Variants in KANSL1 observed in about 807,000 individuals in gnomAD.
KANSL1 encodes the protein KAT8 regulatory NSL complex subunit 1, also known as MLL1/MLL complex subunit KANSL1.
A neutral mutation model predicts 103.6 loss-of-function variants in KANSL1; 22 were observed. That is an observed-to-expected ratio of 0.21 (90% CI 0.15 to 0.30). The LOEUF is 0.30. Among genes scored for constraint, KANSL1 ranks in the 10% least tolerant of loss-of-function variants. The pLI is 1.00. For missense variants in KANSL1, 1,337 were observed against 1,399.8 expected (o/e 0.96, Z 0.72); for synonymous variants, 600 against 527.6 (o/e 1.14, Z -1.88).
intron 2 of KANSL1, among the ~76,000 whole-genome samples, chr17:46,148,839 G>A (rs1362305103): frequency 1.3e-5 from 2 of 149,606 alleles, no homozygotes; most frequent in African/African-American, 4.9e-5. Context: ...GCCCACCTCG[G>A]TTTCCCAAAG....
intron 2 of KANSL1, among the ~76,000 whole-genome samples, chr17:46,157,868 A>G (rs1212984526): frequency 6.6e-6 from 1 of 152,262 alleles, no homozygotes; most frequent in Non-Finnish European, 1.5e-5. Flanking sequence ...AAAATTCACT[A>G]CGCACAGGGT....
chr17:46,109,368 T>C (rs943312998), intron 2 of KANSL1, among the ~76,000 whole-genome samples: 19 of 152,252 alleles, frequency 1.2e-4, no homozygotes, highest in African/African-American at 3.4e-4. Context: ...TCAATTTCTA[T>C]GCTTTTGCAA....
intron 2 of KANSL1, among the ~76,000 whole-genome samples, chr17:46,144,917 AATAGATT>A (rs1378760006): frequency 2.6e-5 from 4 of 152,214 alleles, no homozygotes; most frequent in Admixed American, 6.5e-5. Flanking sequence ...GATGCCACAC[AATAGATT>A]ATAAAGTATC....
chr17:46,138,880 A>G (rs2044282688), intron 2 of KANSL1, among the ~76,000 whole-genome samples: 1 of 152,240 alleles, frequency 6.6e-6, no homozygotes, highest in Admixed American at 6.5e-5. Flanking sequence ...TAACATACAT[A>G]CAGGACACAC....
At chr17:46,168,129 T>C (rs2046096508) in intron 2 of KANSL1, among the ~76,000 whole-genome samples, 1 of 152,246 alleles carries the variant, frequency 6.6e-6, no homozygotes, top group Non-Finnish European at 1.5e-5. Context: ...CATTCTAGGA[T>C]TCATTTCTCA....
rs544935655 is a variant in KANSL1, at chr17:46,193,342, AGCGGTGGCG to A, written c.-618_-610del. ...GCTCGGTTCTCCCGCCGGCTCGGCG[AGCGGTGGCG>A]GCGGTGGCGGCGGCACTGGGAAAAT... On this transcript the variant is annotated 5_prime_UTR_variant, in exon 1 of 15. Coordinates refer to ENST00000432791, the MANE Select transcript of KANSL1 (RefSeq NM_015443.4). 16,753 of 151,892 alleles carry A rather than the reference AGCGGTGGCG, an allele frequency of 0.11. No homozygotes were observed. Among genetic ancestry groups the A allele is most frequent in the Non-Finnish European group, 0.16 (11,327 of 69,374 alleles). The allele number at this position is 151,892 out of a possible 1,614,324, so 9.4% of individuals were successfully genotyped here. A position where few individuals can be genotyped will look rare whatever the true frequency, so the allele number is the denominator to read the frequency against.
rs2047445105 is a variant in KANSL1 at position 46,193,200 on chromosome 17, G to C, written c.-467C>G. On this transcript the variant is annotated 5_prime_UTR_variant, in exon 1 of 15. Transcript: ENST00000432791. ...CCGCCCCGCACAAACAAGCACCGCC[G>C]TCTGCAGCCCGAACCCGCACCCAGG... 6.6e-6 allele frequency: 1 copy of C among 151,684 alleles called. No individual in the cohort carries two copies. Among genetic ancestry groups the C allele is most frequent in the Non-Finnish European group, 1.5e-5 (1 of 68,254 alleles). 9.4% of individuals were successfully genotyped at this position (151,684 alleles called of 1,614,324 possible). A position where few individuals can be genotyped will look rare whatever the true frequency, so the allele number is the denominator to read the frequency against.
Position 46,217,843 on chromosome 17 carries a change from G to A in KANSL1, c.-90+5828C>T, listed in dbSNP as rs564281703. On this transcript the variant is annotated intron_variant, in intron 1 of 14. Coordinates refer to the KANSL1 transcript ENST00000572904. ...AGTTCAAGACCGGCCTGGGCAACAT[G>A]GTGAAACCCTGTTTCTACAAAAAAT... 4.2e-4 allele frequency among the ~76,000 whole-genome samples: 64 copies of A among 152,356 alleles called. 1 individual carries two copies. The East Asian group carries it at 0.012, about 28-fold the overall frequency.
chr17:46,192,672 G>A (rs1474322330), intron 1 of KANSL1, 151 bp downstream of exon 1: 1 of 153,352 alleles, frequency 6.5e-6, no homozygotes, highest in Non-Finnish European at 1.5e-5. Flanking sequence ...AGCCCGGAGA[G>A]GCCATTTAAA....
chr17:46,088,713 AT>A, intron 3 of KANSL1: 1 of 152,414 alleles, frequency 6.6e-6, no homozygotes, highest in Non-Finnish European at 1.5e-5. Flanking sequence ...ATCCTTTAAA[AT>A]AAAAAAAACC....
At chr17:46,062,385 A>C (rs1369779026) in intron 6 of KANSL1, among the ~76,000 whole-genome samples, 2 of 108,812 alleles carry the variant, frequency 1.8e-5, no homozygotes, top group Admixed American at 2.5e-4. Flanking sequence ...TTTTAGATGG[A>C]CTCTCACTCT....
chr17:46,078,815 T>A (rs1987151), intron 4 of KANSL1, among the ~76,000 whole-genome samples: 21,744 of 152,212 alleles, frequency 0.14, 2,100 homozygotes, highest in Non-Finnish European at 0.22. Context: ...CATGTTTCAA[T>A]ACACTAGAGA....
chr17:46,191,571 A>C (rs2147918828), intron 1 of KANSL1, among the ~76,000 whole-genome samples: 1 of 152,382 alleles, frequency 6.6e-6, no homozygotes, highest in South Asian at 2.1e-4. Context: ...TTCAAAATGA[A>C]GTTCAGTAGC....
intron 1 of KANSL1, among the ~76,000 whole-genome samples, chr17:46,202,292 T>C (rs1454125657): frequency 2.0e-5 from 3 of 152,368 alleles, no homozygotes; most frequent in Middle Eastern, 3.4e-3. Flanking sequence ...GTACATTATG[T>C]ACATGCAAAC....
At chr17:46,145,783 T>C (rs1056537631) in intron 2 of KANSL1, among the ~76,000 whole-genome samples, 2 of 152,176 alleles carry the variant, frequency 1.3e-5, no homozygotes, top group African/African-American at 2.4e-5. Context: ...GGCTGGAGTG[T>C]AGTGATGCAA....
chr17:46,125,136 C>T (rs1220728540), intron 2 of KANSL1, among the ~76,000 whole-genome samples: 1 of 143,034 alleles, frequency 7.0e-6, no homozygotes, highest in Non-Finnish European at 1.5e-5. Flanking sequence ...GAAATTGCCA[C>T]AGCTTCCCTA....
At chr17:46,092,150 A>G (rs1482567268) in intron 3 of KANSL1, among the ~76,000 whole-genome samples, 2 of 152,174 alleles carry the variant, frequency 1.3e-5, no homozygotes, top group Non-Finnish European at 2.9e-5. Context: ...CTTGAATTTA[A>G]GTGCACTTTA....
At position 46,067,549 on chromosome 17, in the gene KANSL1, G is replaced by C. The variant is rs778178483; in HGVS notation, c.1652C>G (p.Thr551Ser). 1.9e-6 allele frequency: 3 copies of C among 1,547,784 alleles called. No individual in the cohort carries two copies. The highest frequency in any genetic ancestry group is 1.8e-6 in the Non-Finnish European group (2 of 1,119,794). The change falls in exon 5 of 15, where the codon ACT (threonine) becomes AGT (serine). Residue 551 changes from threonine (T) to serine (S), a missense_variant and splice_region_variant. By Grantham distance (58) the Thr-to-Ser change is moderately conservative. Around this residue, in one of 2 missense-constraint regions of KANSL1, gnomAD observed 780 missense variants for 923.4 expected, o/e 0.84. Coordinates refer to ENST00000432791, the MANE Select transcript of KANSL1 (RefSeq NM_015443.4). ...ALRPVNGVIN[T>S]LQPVLADHIP... ...AGGAAGTAGAAGAGCTAAAACTTAC[G>C]TGTTAATAACTCCATTGACAGGTCT...
chr17:46,032,333 G>C (rs753364053), intron 13 of KANSL1, 34 bp from the exon 14 acceptor site: 3 of 1,490,468 alleles, frequency 2.0e-6, no homozygotes, highest in African/African-American at 1.4e-5. Flanking sequence ...TGAGTGCCTG[G>C]GAAATGTTTA....
Sources: allele counts gnomAD v4.1 joint callset (sites outside exome capture counted in the v4.1 genomes callset), GRCh38; gene constraint gnomAD v4.1.1; regional missense constraint gnomAD v4.1.1; transcripts MANE v1.5; gene names NCBI Gene and HGNC (gene_info 2026-07-23, HGNC 2026-07-21).